CSRNP3: variants seen among roughly 807,000 people sequenced by gnomAD.
The protein encoded by CSRNP3 is cysteine and serine rich nuclear protein 3, also known as cysteine/serine-rich nuclear protein 3.
In CSRNP3, 12 loss-of-function variants were observed where a neutral mutation model predicts 48.0. The ratio of observed to expected loss-of-function variants is 0.25; its 90% CI spans 0.16 to 0.41. The LOEUF (loss-of-function observed/expected upper bound fraction) is 0.41. Among genes scored for constraint, CSRNP3 ranks in the 10% least tolerant of loss-of-function variants. The pLI, the probability that CSRNP3 is intolerant of heterozygous loss-of-function variation, is 1.00. For synonymous variants in CSRNP3, 263 were observed against 269.7 expected, an observed-to-expected ratio of 0.98 and a Z score of 0.24; for missense variants, 580 against 724.4, an observed-to-expected ratio of 0.80 and a Z score of 2.29.
Position 165,678,823 on chromosome 2 carries a change from A to T in CSRNP3, c.828A>T (p.Glu276Asp). ...TTTTGCACACAATAATGAAACTTGA[A>T]CTGGAGAAAAACCGAGAGCAGCAAA... is the stretch of plus-strand genomic sequence containing the variant. ...THFLHTIMKL[E>D]LEKNREQQIP... is the part of the protein sequence containing the mutation. Residue 276 changes from glutamate to aspartate, a missense_variant, in exon 7 of 7, where the codon GAA becomes GAT. Glu to Asp is a conservative substitution (Grantham distance 45, BLOSUM62 2). Transcript: ENST00000651982. The T allele has an allele frequency of 6.2e-7, 1 of 1,614,044 alleles. No individual in the cohort carries two copies.
chr2:165,609,586 G>A (rs531728762), intron 4 of CSRNP3, among the ~76,000 whole-genome samples: 13 of 149,874 alleles, frequency 8.7e-5, no homozygotes, highest in South Asian at 4.3e-4. Context: ...TAAAATGAGT[G>A]AATACAGGCA....
At chr2:165,638,628 ACTC>A (rs1686673320) in intron 4 of CSRNP3, among the ~76,000 whole-genome samples, 1 of 152,200 alleles carries the variant, frequency 6.6e-6, no homozygotes, top group Admixed American at 6.5e-5. Context: ...ATCTCTTTGT[ACTC>A]TTGCCACAAC....
At chr2:165,595,407 G>A (rs1685793943) in intron 4 of CSRNP3, among the ~76,000 whole-genome samples, 194 bp downstream of exon 4, 1 of 151,858 alleles carries the variant, frequency 6.6e-6, no homozygotes, top group African/African-American at 2.4e-5. Context: ...TTTTTGCAGT[G>A]GATTATTTGA....
intron 5 of CSRNP3, among the ~76,000 whole-genome samples, chr2:165,665,775 AAGAGAGAGAGAG>A (rs10645178): frequency 3.0e-5 from 4 of 131,290 alleles, no homozygotes; most frequent in East Asian, 4.5e-4. Context: ...AAAAGAAAGA[AAGAGAGAGAGAG>A]AGAGAGAGAG....
At chr2:165,500,312 A>G (rs1656192842) in intron 2 of CSRNP3, among the ~76,000 whole-genome samples, 2 of 150,860 alleles carry the variant, frequency 1.3e-5, no homozygotes, top group African/African-American at 4.9e-5. Context: ...TTTACTTACA[A>G]TTCATATAAA....
intron 4 of CSRNP3, among the ~76,000 whole-genome samples, chr2:165,628,142 T>C (rs1686469596): frequency 6.6e-6 from 1 of 152,198 alleles, no homozygotes; most frequent in Non-Finnish European, 1.5e-5. Context: ...TACCAAATCA[T>C]ATCCAAACCT....
At chr2:165,588,175 A>T (rs776940290) in intron 3 of CSRNP3, among the ~76,000 whole-genome samples, 4 of 152,238 alleles carry the variant, frequency 2.6e-5, no homozygotes, top group East Asian at 1.9e-4. Context: ...TGGTATATCA[A>T]ATGTCCTAAA....
intron 4 of CSRNP3, among the ~76,000 whole-genome samples, chr2:165,648,650 G>C (rs1053396978): frequency 1.6e-4 from 25 of 151,988 alleles, no homozygotes; most frequent in African/African-American, 4.8e-4. Flanking sequence ...TTTTGTTGTT[G>C]TTTTTTGTAG....
chr2:165,666,952 G>GAGAGAA lies in CSRNP3; in HGVS notation c.408+8934_408+8935insAGAAAG, dbSNP rs1687231402. Among the ~76,000 whole-genome samples the GAGAGAA allele has an allele frequency of 2.8e-4, 10 of 35,436 alleles. 3 individuals are homozygous for GAGAGAA. Among genetic ancestry groups the GAGAGAA allele is most frequent in the Admixed American group, 7.6e-4 (2 of 2,648 alleles). The allele number at this position is 35,436 out of a possible 152,430, so 23.2% of individuals were successfully genotyped here. Reference sequence around the variant, plus strand: ...AGAGAGAAGAAGAAAGAAAGAGAGAGAGGAAGGAAGGAAGGAAGGAAAGAG... The same window carrying GAGAGAA: ...AGAGAGAAGAAGAAAGAAAGAGAGAGAGAGAAAGGAAGGAAGGAAGGAAGGAAAGAG... On this transcript the variant is annotated intron_variant, in intron 5 of 6. Transcript: ENST00000651982.
At chr2:165,580,530 C>T (rs1685526601) in intron 3 of CSRNP3, among the ~76,000 whole-genome samples, 1 of 152,040 alleles carries the variant, frequency 6.6e-6, no homozygotes, top group African/African-American at 2.4e-5. Context: ...ATTTTTTGTG[C>T]AGTATCTTTG....
Position 165,666,015 on chromosome 2 carries a change from AAGAAAGAG to A in CSRNP3, c.408+7999_408+8006del, listed in dbSNP as rs1482674683. Reference sequence around the variant, plus strand: ...AAGGAAGGAAGGATAGAGAGGAAGAAAGAAAGAGAGAGAGAGGAAGGGAGGAAGGAAGG... The same window carrying A: ...AAGGAAGGAAGGATAGAGAGGAAGAAAGAGAGAGGAAGGGAGGAAGGAAGG... On this transcript the variant is annotated intron_variant, in intron 5 of 6. Transcript: ENST00000651982. 4.9e-4 allele frequency among the ~76,000 whole-genome samples: 63 copies of A among 127,738 alleles called. 1 individual carries two copies. The highest frequency in any genetic ancestry group is 1.8e-3 in the African/African-American group (58 of 32,856). 83.8% of individuals were successfully genotyped at this position (127,738 alleles called of 152,430 possible). A position where few individuals can be genotyped will look rare whatever the true frequency, so the allele number is the denominator to read the frequency against.
intron 3 of CSRNP3, among the ~76,000 whole-genome samples, chr2:165,538,200 G>A (rs539243789): frequency 4.3e-4 from 66 of 152,024 alleles, no homozygotes; most frequent in African/African-American, 1.4e-3. Context: ...GAGAAATCCA[G>A]TTAATTAAGC....
intron 6 of CSRNP3, among the ~76,000 whole-genome samples, chr2:165,677,206 A>G (rs776441911): frequency 3.3e-5 from 5 of 152,188 alleles, no homozygotes; most frequent in Non-Finnish European, 5.9e-5. Context: ...ACCTTGCCAC[A>G]TGATTTTGTA....
chr2:165,655,578 T>G (rs1271530009), intron 4 of CSRNP3, among the ~76,000 whole-genome samples: 2 of 152,204 alleles, frequency 1.3e-5, no homozygotes, highest in Non-Finnish European at 2.9e-5. Context: ...TGTATCAGTT[T>G]CCTTGGGCTC....
At chr2:165,636,934 A>G (rs1051130337) in intron 4 of CSRNP3, among the ~76,000 whole-genome samples, 1 of 152,178 alleles carries the variant, frequency 6.6e-6, no homozygotes, top group African/African-American at 2.4e-5. Flanking sequence ...GTTGACCTCT[A>G]TGGAAGACAA....
chr2:165,478,344 C>T (rs1279651831), intron 1 of CSRNP3, among the ~76,000 whole-genome samples: 5 of 152,116 alleles, frequency 3.3e-5, no homozygotes, highest in Admixed American at 2.0e-4. Flanking sequence ...TGTGTTCATT[C>T]TTCATCAGAG....
chr2:165,510,523 T>C (rs1189898777), intron 2 of CSRNP3, among the ~76,000 whole-genome samples: 2 of 152,174 alleles, frequency 1.3e-5, no homozygotes, highest in African/African-American at 2.4e-5. Context: ...TTCCTTACTT[T>C]CTGGTATTTA....
Position 165,507,454 on chromosome 2 carries a change from T to TA in CSRNP3, c.-112-10413dup, listed in dbSNP as rs1349579266. 3.3e-5 allele frequency among the ~76,000 whole-genome samples: 5 copies of TA among 152,286 alleles called. No individual in the cohort carries two copies. In the East Asian group the frequency reaches 5.8e-4, roughly 18 times the overall value. On this transcript the variant is annotated intron_variant, in intron 2 of 6. Coordinates refer to ENST00000651982, the MANE Select transcript of CSRNP3 (RefSeq NM_001172173.2). ...ATCTGCAGTTCTCTAATTATATTTT[T>TA]AAAAAATCTTCATTTAGGGCTCCTC...
At chr2:165,484,790 C>T (rs1218764766) in intron 1 of CSRNP3, among the ~76,000 whole-genome samples, 1 of 152,132 alleles carries the variant, frequency 6.6e-6, no homozygotes, top group African/African-American at 2.4e-5. Flanking sequence ...GCTTCTATTG[C>T]CATGGAATCA....
Sources: allele counts gnomAD v4.1 joint callset (sites outside exome capture counted in the v4.1 genomes callset), GRCh38; gene constraint gnomAD v4.1.1; transcripts MANE v1.5; gene names NCBI Gene and HGNC (gene_info 2026-07-23, HGNC 2026-07-21).